IQCM: variants seen among roughly 807,000 people sequenced by gnomAD.
IQCM encodes the protein IQ domain-containing protein M.
IQCM carries 45 observed loss-of-function variants against 57.6 expected under a neutral mutation model. The ratio of observed to expected loss-of-function variants is 0.78; its 90% CI spans 0.62 to 1.00. The LOEUF is 1.00. IQCM is among the 50% of genes least tolerant of loss of function. IQCM has a pLI of 0.00. For missense variants in IQCM, 468 were observed against 511.6 expected, an observed-to-expected ratio of 0.91 and a Z score of 0.82; for synonymous variants, 148 against 158.9, an observed-to-expected ratio of 0.93 and a Z score of 0.51.
chr4:149,470,604 A>G (rs1250903994), intron 12 of IQCM, among the ~76,000 whole-genome samples: 1 of 152,204 alleles, frequency 6.6e-6, no homozygotes, highest in Non-Finnish European at 1.5e-5. Context: ...AATTGAACTC[A>G]GCTCTGCACC....
chr4:149,380,575 C>T (rs187063454), intron 13 of IQCM, among the ~76,000 whole-genome samples: 73 of 152,244 alleles, frequency 4.8e-4, no homozygotes, highest in Non-Finnish European at 9.3e-4. Context: ...GCCAGATTCT[C>T]TTTCGGAAGA....
chr4:149,622,754 C>T (rs1005626709), intron 7 of IQCM, among the ~76,000 whole-genome samples: 10 of 152,098 alleles, frequency 6.6e-5, no homozygotes, highest in African/African-American at 2.2e-4. Context: ...TACACCCTTA[C>T]GTTTCTTATG....
intron 13 of IQCM, among the ~76,000 whole-genome samples, chr4:149,398,031 T>C (rs1445230829): frequency 1.3e-5 from 2 of 152,186 alleles, no homozygotes; most frequent in Admixed American, 6.6e-5. Context: ...TGTTTTCTTC[T>C]AGAAGTTTAC....
At chr4:149,403,345 A>T (rs1236066044) in intron 13 of IQCM, among the ~76,000 whole-genome samples, 1 of 152,028 alleles carries the variant, frequency 6.6e-6, no homozygotes, top group African/African-American at 2.4e-5. Context: ...CTCTTCTGCA[A>T]TAAATTTATC....
intron 2 of IQCM, among the ~76,000 whole-genome samples, chr4:149,762,862 G>C (rs1309117518): frequency 6.6e-6 from 1 of 151,982 alleles, no homozygotes; most frequent in Non-Finnish European, 1.5e-5. Flanking sequence ...AGTTCTCAGA[G>C]ATGTTAATCT....
chr4:149,806,259 ATTTAGTTT>A (rs1454153946), intron 2 of IQCM, among the ~76,000 whole-genome samples: 2 of 151,752 alleles, frequency 1.3e-5, no homozygotes, highest in Non-Finnish European at 3.0e-5. Context: ...TATTTATTTA[ATTTAGTTT>A]AGTTATTTTT....
intron 3 of IQCM, among the ~76,000 whole-genome samples, chr4:149,739,560 T>G (rs925961830): frequency 1.3e-5 from 2 of 152,062 alleles, no homozygotes; most frequent in Non-Finnish European, 2.9e-5. Context: ...TTAAAATTCC[T>G]TTTTATCCAA....
intron 5 of IQCM, among the ~76,000 whole-genome samples, chr4:149,727,690 G>A (rs1766073326): frequency 6.6e-6 from 1 of 152,066 alleles, no homozygotes; most frequent in Non-Finnish European, 1.5e-5. Context: ...CCCCCTTCCT[G>A]GTTGTTTATG....
chr4:149,734,906 T>C (rs1369194255), intron 4 of IQCM, among the ~76,000 whole-genome samples: 3 of 152,156 alleles, frequency 2.0e-5, no homozygotes, highest in Non-Finnish European at 2.9e-5. Flanking sequence ...TCAAAAAATA[T>C]TCTATGCCCT....
intron 8 of IQCM, among the ~76,000 whole-genome samples, chr4:149,604,320 A>G (rs950813487): frequency 2.6e-5 from 4 of 152,212 alleles, no homozygotes; most frequent in African/African-American, 4.8e-5. Context: ...TACACAACTA[A>G]TATAAGCTGT....
chr4:149,376,441 A>G (rs1730705203), intron 13 of IQCM, among the ~76,000 whole-genome samples: 1 of 152,154 alleles, frequency 6.6e-6, no homozygotes, highest in Admixed American at 6.6e-5. Flanking sequence ...ACAAGATGCT[A>G]TTGCCAAAAA....
At chr4:149,420,752 T>A (rs552201917) in intron 13 of IQCM, among the ~76,000 whole-genome samples, 34 of 152,192 alleles carry the variant, frequency 2.2e-4, no homozygotes, top group African/African-American at 7.9e-4. Flanking sequence ...ATATATAGGT[T>A]GTATATTATA....
chr4:149,513,173 G>A (rs888261238), intron 12 of IQCM, among the ~76,000 whole-genome samples: 1 of 152,114 alleles, frequency 6.6e-6, no homozygotes, highest in Non-Finnish European at 1.5e-5. Flanking sequence ...CTTCTAAAGG[G>A]TATGGAATAA....
intron 13 of IQCM, among the ~76,000 whole-genome samples, chr4:149,416,985 T>C (rs1196524688): frequency 6.6e-6 from 1 of 152,102 alleles, no homozygotes; most frequent in Non-Finnish European, 1.5e-5. Flanking sequence ...TGTCTAAATA[T>C]ATAAAATAAC....
intron 7 of IQCM, among the ~76,000 whole-genome samples, chr4:149,667,790 G>T (rs1357449547): frequency 6.6e-6 from 1 of 151,782 alleles, no homozygotes; most frequent in Admixed American, 6.6e-5. Flanking sequence ...GCATACACAA[G>T]TATCAGTAGC....
At chr4:149,586,039 A>G (rs767006619) in intron 9 of IQCM, among the ~76,000 whole-genome samples, 12 of 151,654 alleles carry the variant, frequency 7.9e-5, no homozygotes, top group Non-Finnish European at 1.5e-4. Context: ...TTCATCGTGG[A>G]GGCTGTCCAA....
chr4:149,647,111 C>T (rs1167419917), intron 7 of IQCM, among the ~76,000 whole-genome samples: 1 of 152,030 alleles, frequency 6.6e-6, no homozygotes, highest in African/African-American at 2.4e-5. Flanking sequence ...TTGTTTGAAA[C>T]CCGCTGCTAG....
chr4:149,670,441 T>C (rs966184733), intron 7 of IQCM, among the ~76,000 whole-genome samples: 2 of 152,090 alleles, frequency 1.3e-5, no homozygotes, highest in Admixed American at 6.6e-5. Context: ...AATTTGACTT[T>C]CTCTTTTCCT....
At chr4:149,748,428 G>C (rs1197345039) in intron 2 of IQCM, among the ~76,000 whole-genome samples, 1 of 152,016 alleles carries the variant, frequency 6.6e-6, no homozygotes, top group Non-Finnish European at 1.5e-5. Flanking sequence ...ATACATTTCA[G>C]TTCTCAACTC....
Sources: gnomAD v4.1 joint callset for allele counts (sites outside exome capture counted in the v4.1 genomes callset) on GRCh38, gnomAD v4.1.1 for gene constraint, MANE v1.5 for transcripts, NCBI Gene and HGNC (gene_info 2026-07-23, HGNC 2026-07-21) for gene names.